Variants in RPS6KC1 observed in about 807,000 individuals in gnomAD.
RPS6KC1 encodes ribosomal protein S6 kinase C1.
A neutral mutation model predicts 103.8 loss-of-function variants in RPS6KC1; 54 were observed. The observed-to-expected ratio is 0.52, with a 90% CI of 0.42 to 0.65. RPS6KC1 has a LOEUF of 0.65. Ranked by LOEUF, RPS6KC1 falls within the 30% of genes least tolerant of loss-of-function variation. The pLI, the probability that RPS6KC1 is intolerant of heterozygous loss-of-function variation, is 0.00. For missense variants in RPS6KC1, 1,151 were observed against 1,253.8 expected (o/e 0.92, Z 1.24); for synonymous variants, 439 against 438.7 (o/e 1.00, Z -0.01).
chr1:213,217,018 G>A (rs1167735737), intron 8 of RPS6KC1, among the ~76,000 whole-genome samples: 5 of 151,440 alleles, frequency 3.3e-5, no homozygotes, highest in Middle Eastern at 3.4e-3. Flanking sequence ...AAATAACTAA[G>A]ATCAGAGCAG....
Position 213,240,926 on chromosome 1 carries a change from A to T in RPS6KC1, c.1450A>T (p.Ser484Cys). 6.2e-7 allele frequency: 1 copy of T among 1,613,922 alleles called. No homozygotes were observed. The highest frequency in any genetic ancestry group is 2.2e-5 in the East Asian group (1 of 44,872). The change falls in exon 11 of 15, where the codon AGC becomes TGC. Residue 484 changes from serine to cysteine, a missense_variant. Physicochemically the swap from Ser to Cys is moderately radical, Grantham distance 112 (BLOSUM62 -1). Around this residue, in one of 3 missense-constraint regions of RPS6KC1, gnomAD observed 959 missense variants for 1,006.3 expected, o/e 0.95. Coordinates refer to ENST00000366960, the MANE Select transcript of RPS6KC1 (RefSeq NM_012424.6). ...TCTTACTCCAAGTTCTCAAGATGAC[A>T]GCAACCAGGAAGATGATGGCCAAGA... ...SSLTPSSQDD[S>C]NQEDDGQDSS...
At chr1:213,071,331 G>A (rs1184084478) in intron 2 of RPS6KC1, among the ~76,000 whole-genome samples, 1 of 152,086 alleles carries the variant, frequency 6.6e-6, no homozygotes, top group Non-Finnish European at 1.5e-5. Flanking sequence ...GTTTTACCAC[G>A]TTGGCCAGGC....
At chr1:213,749,396 A>C in the RPS6KC1 span, among the ~76,000 whole-genome samples, 2 of 152,144 alleles carry the variant, frequency 1.3e-5, no homozygotes, top group African/African-American at 4.8e-5. Context: ...GATATAGAAC[A>C]GGGGGGAGAG....
intron 14 of RPS6KC1, 59 bp from the exon 15 acceptor site, chr1:213,272,465 G>T: frequency 1.6e-6 from 2 of 1,287,990 alleles, no homozygotes; most frequent in South Asian, 1.2e-5. Context: ...TTCAAATATT[G>T]GTTTTCCTTT....
At chr1:213,532,724 C>T in the RPS6KC1 span, among the ~76,000 whole-genome samples, 1 of 152,174 alleles carries the variant, frequency 6.6e-6, no homozygotes, top group African/African-American at 2.4e-5. Context: ...GGAGCAGGCT[C>T]CTTGCCGGCC....
the RPS6KC1 span, among the ~76,000 whole-genome samples, chr1:213,375,551 C>T: frequency 6.6e-6 from 1 of 152,078 alleles, no homozygotes; most frequent in African/African-American, 2.4e-5. Context: ...TCCCCCACCC[C>T]CAAGAACATG....
intron 6 of RPS6KC1, among the ~76,000 whole-genome samples, chr1:213,135,398 C>A (rs944023707): frequency 1.3e-5 from 2 of 152,024 alleles, no homozygotes; most frequent in Non-Finnish European, 2.9e-5. Flanking sequence ...GCCTTCTATC[C>A]GTCTCTGTCT....
the RPS6KC1 span, among the ~76,000 whole-genome samples, chr1:213,741,545 C>A: frequency 3.3e-5 from 5 of 149,994 alleles, no homozygotes; most frequent in African/African-American, 1.2e-4. Context: ...AAAAAAAAAT[C>A]ATCTGTGAAC....
the RPS6KC1 span, among the ~76,000 whole-genome samples, chr1:213,544,830 A>C: frequency 6.6e-6 from 1 of 152,144 alleles, no homozygotes; most frequent in African/African-American, 2.4e-5. Flanking sequence ...CTCCTCTCTC[A>C]TTCCTTCTTG....
chr1:213,274,927 A>G (rs2095108173), downstream of RPS6KC1, among the ~76,000 whole-genome samples: 1 of 152,146 alleles, frequency 6.6e-6, no homozygotes, highest in Admixed American at 6.5e-5. Context: ...GGCACCTCAA[A>G]TGGAAACTCT....
At chr1:213,626,596 T>TTTTTGTATAATTAA in the RPS6KC1 span, among the ~76,000 whole-genome samples, 2 of 152,216 alleles carry the variant, frequency 1.3e-5, no homozygotes, top group Non-Finnish European at 2.9e-5. Context: ...CTTGAATTAA[T>TTTTTGTATAATTAA]TTTTGTATAA....
chr1:213,846,750 G>A, the RPS6KC1 span, among the ~76,000 whole-genome samples: 2 of 152,142 alleles, frequency 1.3e-5, no homozygotes, highest in African/African-American at 4.8e-5. Flanking sequence ...AGTAAGGGTA[G>A]GGTGTGAAGG....
intron 4 of RPS6KC1, 141 bp downstream of exon 4, chr1:213,104,710 G>T: frequency 2.4e-6 from 1 of 422,746 alleles, no homozygotes; most frequent in East Asian, 4.0e-5. Context: ...AATGTTTATG[G>T]CATATTTCCT....
At chr1:213,176,896 T>C (rs958254873) in intron 8 of RPS6KC1, among the ~76,000 whole-genome samples, 3 of 152,194 alleles carry the variant, frequency 2.0e-5, no homozygotes, top group Non-Finnish European at 4.4e-5. Context: ...CTACTATATG[T>C]CGGACCCTAT....
chr1:213,053,454 T>C (rs1451174723), intron 1 of RPS6KC1, among the ~76,000 whole-genome samples: 1 of 152,218 alleles, frequency 6.6e-6, no homozygotes, highest in Non-Finnish European at 1.5e-5. Flanking sequence ...CCAATAAATG[T>C]TTAGATCCAG....
chr1:213,759,776 T>C, the RPS6KC1 span, among the ~76,000 whole-genome samples: 2 of 152,224 alleles, frequency 1.3e-5, no homozygotes, highest in East Asian at 3.8e-4. Flanking sequence ...TCCCCTAAGG[T>C]ACTTTAGCTC....
At chr1:213,526,306 T>C in the RPS6KC1 span, among the ~76,000 whole-genome samples, 1 of 152,084 alleles carries the variant, frequency 6.6e-6, no homozygotes, top group Non-Finnish European at 1.5e-5. Context: ...ACATGTGATA[T>C]TGTTGGTTGG....
the RPS6KC1 span, among the ~76,000 whole-genome samples, chr1:213,712,334 C>A: frequency 6.6e-6 from 1 of 152,186 alleles, no homozygotes; most frequent in African/African-American, 2.4e-5. Context: ...ACCACCTACT[C>A]AACCCTCAGC....
Position 213,051,286 on chromosome 1 carries a change from C to T in RPS6KC1, c.-119C>T, listed in dbSNP as rs2076918371. ...CAGCTGAGGCGCCGCCGTGGAGCCG[C>T]CTTGGAGCCACCGCCCCCTCGCCGC... On this transcript the variant is annotated 5_prime_UTR_variant, in exon 1 of 15. Transcript: ENST00000366960. The T allele has an allele frequency of 2.8e-6, 2 of 708,288 alleles. No individual in the cohort carries two copies. The highest frequency in any genetic ancestry group is 2.7e-5 in the East Asian group (1 of 36,970). The allele number at this position is 708,288 out of a possible 1,614,324, so 43.9% of individuals were successfully genotyped here.
Sources: allele counts gnomAD v4.1 joint callset (sites outside exome capture counted in the v4.1 genomes callset), GRCh38; gene constraint gnomAD v4.1.1; regional missense constraint gnomAD v4.1.1; transcripts MANE v1.5; gene names NCBI Gene and HGNC (gene_info 2026-07-23, HGNC 2026-07-21).